Variants in CRHR1 observed in about 807,000 individuals in gnomAD.
CRHR1 encodes corticotropin releasing hormone receptor 1.
A neutral mutation model predicts 56.0 loss-of-function variants in CRHR1; 28 were observed. That is an observed-to-expected ratio of 0.50 (90% CI 0.37 to 0.69). The LOEUF (loss-of-function observed/expected upper bound fraction) is 0.69, where lower values mean the gene tolerates loss of function less well. Ranked by LOEUF, CRHR1 falls within the 30% of genes least tolerant of loss-of-function variation. CRHR1 has a pLI of 0.00. For synonymous variants in CRHR1, 195 were observed against 216.5 expected, an observed-to-expected ratio of 0.90 and a Z score of 0.87; for missense variants, 376 against 548.0, an observed-to-expected ratio of 0.69 and a Z score of 3.13.
intron 1 of CRHR1, among the ~76,000 whole-genome samples, chr17:45,792,817 C>T (rs2061450508): frequency 1.3e-5 from 2 of 152,252 alleles, no homozygotes; most frequent in Non-Finnish European, 2.9e-5. Flanking sequence ...AAAACACCTA[C>T]TAACCAGATT....
At chr17:45,790,714 C>T (rs114847005) in intron 1 of CRHR1, among the ~76,000 whole-genome samples, 99 of 152,264 alleles carry the variant, frequency 6.5e-4, no homozygotes, top group African/African-American at 2.1e-3. Flanking sequence ...GGAGCCAGTG[C>T]GCCTAGGTCA....
At chr17:45,801,517 G>T (rs144741385) in intron 1 of CRHR1, among the ~76,000 whole-genome samples, 2 of 152,308 alleles carry the variant, frequency 1.3e-5, no homozygotes, top group Non-Finnish European at 2.9e-5. Context: ...TAACCTTGAA[G>T]GTTTGGCTCT....
chr17:45,785,888 C>T (rs972613812), intron 1 of CRHR1, among the ~76,000 whole-genome samples: 1 of 152,166 alleles, frequency 6.6e-6, no homozygotes, highest in Non-Finnish European at 1.5e-5. Context: ...ACATCCCCTC[C>T]CCCATCCGTT....
At position 45,830,235 on chromosome 17, in the gene CRHR1, G is replaced by A. The variant is rs201547003; in HGVS notation, c.555+21G>A. The A allele has an allele frequency of 9.4e-5, 151 of 1,613,134 alleles. No homozygotes were observed. In the Admixed American group the frequency reaches 1.2e-3, roughly 13 times the overall value. ...ACGTGGTACGTCCTGGCAGGGGAGC[G>A]GGGAGCAGGTCAGGCCAAACCCAGG... On this transcript the variant is annotated intron_variant, in intron 6 of 12. Transcript: ENST00000314537.
At chr17:45,787,844 C>T (rs1200114396) in intron 1 of CRHR1, among the ~76,000 whole-genome samples, 1 of 152,204 alleles carries the variant, frequency 6.6e-6, no homozygotes, top group East Asian at 1.9e-4. Flanking sequence ...GAACGCGAAA[C>T]AGTGAGCCCA....
Position 45,835,193 on chromosome 17 carries a change from C to T in CRHR1, c.*429C>T. The T allele has an allele frequency of 5.4e-6, 1 of 186,624 alleles. No individual in the cohort carries two copies. Among genetic ancestry groups the T allele is most frequent in the South Asian group, 1.5e-4 (1 of 6,580 alleles). The allele number at this position is 186,624 out of a possible 1,614,324, so 11.6% of individuals were successfully genotyped here. ...CTGGGGCATCATGGGCAACTCGTGA[C>T]AGCCTCTGACTCACCACGATGACGC... is the stretch of plus-strand genomic sequence containing the variant. On this transcript the variant is annotated 3_prime_UTR_variant, in exon 13 of 13. Transcript: ENST00000314537.
At chr17:45,791,947 C>T (rs1361745487) in intron 1 of CRHR1, among the ~76,000 whole-genome samples, 1 of 152,162 alleles carries the variant, frequency 6.6e-6, no homozygotes, top group African/African-American at 2.4e-5. Context: ...TGCCACCTCC[C>T]TCAGAAGCCA....
At chr17:45,811,522 C>T (rs150491133) in intron 2 of CRHR1, among the ~76,000 whole-genome samples, 12 of 152,340 alleles carry the variant, frequency 7.9e-5, no homozygotes, top group East Asian at 1.9e-4. Context: ...CCTGTGGTGA[C>T]GTGCGCTGGT....
chr17:45,827,950 C>A (rs1481564185), intron 4 of CRHR1: 1 of 152,248 alleles, frequency 6.6e-6, no homozygotes, highest in East Asian at 1.9e-4. Context: ...GAGCTCAGTG[C>A]TTCTCAGCAC....
rs1438143954 is a variant in CRHR1 at position 45,821,433 on chromosome 17, A to G, written c.320A>G (p.Asn107Ser). The G allele has an allele frequency of 6.2e-7, 1 of 1,612,568 alleles. No individual in the cohort carries two copies. Among genetic ancestry groups the G allele is most frequent in the Non-Finnish European group, 8.5e-7 (1 of 1,179,984 alleles). The stretch of plus-strand genomic sequence containing the variant: ...TACTCCGAGTGCCAGGAGATCCTCA[A>G]TGAGGAGGTGAGGCTGAGCCGAACA... ...VNYSECQEIL[N>S]EEKKSKVHYH... is the part of the protein sequence containing the mutation. Residue 107 changes from asparagine to serine, a missense_variant, in exon 4 of 13, where the codon AAT (asparagine) becomes AGT (serine). By Grantham distance (46) the Asn-to-Ser change is conservative. This residue lies in a region of CRHR1 where 369 missense variants were observed against 519.5 expected (regional missense o/e 0.71). Coordinates refer to ENST00000314537, the MANE Select transcript of CRHR1 (RefSeq NM_004382.5).
Position 45,830,089 on chromosome 17 carries a change from A to G in CRHR1, c.435-5A>G. 1 of 1,613,942 alleles carries G rather than the reference A, an allele frequency of 6.2e-7. No individual in the cohort carries two copies. The highest frequency in any genetic ancestry group is 8.5e-7 in the Non-Finnish European group (1 of 1,179,942). On this transcript the variant is annotated splice_region_variant and splice_polypyrimidine_tract_variant and intron_variant, in intron 5 of 12. Transcript: ENST00000314537. ...TCCCATCATCCACCCGCCCTGCTGC[A>G]CCAGGAGCATCCGGTGCCTGCGAAA...
chr17:45,792,709 C>T (rs185559552), intron 1 of CRHR1, among the ~76,000 whole-genome samples: 4 of 152,274 alleles, frequency 2.6e-5, no homozygotes, highest in South Asian at 4.1e-4. Flanking sequence ...CACCTCATCC[C>T]GTCCCCTGGT....
intron 5 of CRHR1, 104 bp from the exon 6 acceptor site, chr17:45,829,990 C>T (rs2062258421): frequency 3.9e-6 from 6 of 1,545,020 alleles, no homozygotes; most frequent in Non-Finnish European, 5.3e-6. Context: ...CACCCTGTGC[C>T]TCAGTTTCCT....
intron 2 of CRHR1, among the ~76,000 whole-genome samples, chr17:45,810,795 T>C (rs1322618119): frequency 6.6e-6 from 1 of 152,202 alleles, no homozygotes; most frequent in Non-Finnish European, 1.5e-5. Flanking sequence ...AGCTTTCTTC[T>C]CTGCCCAGCC....
chr17:45,790,418 A>G (rs2061405795), intron 1 of CRHR1, among the ~76,000 whole-genome samples: 1 of 152,190 alleles, frequency 6.6e-6, no homozygotes, highest in African/African-American at 2.4e-5. Flanking sequence ...TGGCTTTGGA[A>G]GACGGGTTCC....
chr17:45,796,307 G>T (rs2061515849), intron 1 of CRHR1, among the ~76,000 whole-genome samples: 1 of 151,732 alleles, frequency 6.6e-6, no homozygotes, highest in Non-Finnish European at 1.5e-5. Flanking sequence ...ACCCTGGGCT[G>T]GGCTCCCCTC....
chr17:45,807,398 G>A (rs1331442456), intron 2 of CRHR1, among the ~76,000 whole-genome samples: 1 of 152,210 alleles, frequency 6.6e-6, no homozygotes, highest in African/African-American at 2.4e-5. Context: ...TGGGCACAGG[G>A]GAGGGCATCC....
rs1327755962 is a variant in CRHR1, at chr17:45,791,850, T to TCA, written c.33+7274_33+7275insAC. Reference sequence around the variant, plus strand: ...CTCTCTCTTTCTCTCTCTCTCTCTCTCTCACACACACACACACACACACAC... The same window carrying TCA: ...CTCTCTCTTTCTCTCTCTCTCTCTCTCACTCACACACACACACACACACACAC... On this transcript the variant is annotated intron_variant, in intron 1 of 12. Coordinates refer to ENST00000314537, the MANE Select transcript of CRHR1 (RefSeq NM_004382.5). Among the ~76,000 whole-genome samples, 803 of 112,212 alleles carry TCA rather than the reference T, an allele frequency of 7.2e-3. 5 individuals are homozygous for TCA. The highest frequency in any genetic ancestry group is 0.023 in the African/African-American group (745 of 32,588). The allele number at this position is 112,212 out of a possible 152,430, so 73.6% of individuals were successfully genotyped here.
At chr17:45,785,713 C>T (rs930088095) in intron 1 of CRHR1, among the ~76,000 whole-genome samples, 1 of 152,234 alleles carries the variant, frequency 6.6e-6, no homozygotes. Context: ...CGTATACCGG[C>T]TTACCAAGTG....
Sources: allele counts gnomAD v4.1 joint callset (sites outside exome capture counted in the v4.1 genomes callset), GRCh38; gene constraint gnomAD v4.1.1; regional missense constraint gnomAD v4.1.1; transcripts MANE v1.5; gene names NCBI Gene and HGNC (gene_info 2026-07-23, HGNC 2026-07-21).